NEK11: variants seen among roughly 807,000 people sequenced by gnomAD.
NEK11 encodes the protein NIMA related kinase 11.
NEK11 carries 72 observed loss-of-function variants against 80.7 expected under a neutral mutation model. That is an observed-to-expected ratio of 0.89 (90% CI 0.74 to 1.08). The LOEUF is 1.08. Among genes scored for constraint, NEK11 ranks in the 50% least tolerant of loss-of-function variants. The probability of loss-of-function intolerance (pLI) is 0.00; values close to 1 mark genes in which losing one functional copy is unlikely to be tolerated. For synonymous variants in NEK11, 251 were observed against 260.7 expected, an observed-to-expected ratio of 0.96 and a Z score of 0.36; for missense variants, 764 against 763.6, an observed-to-expected ratio of 1.00 and a Z score of -0.01.
At chr3:131,133,220 G>T (rs2084855432) in intron 6 of NEK11, 1 of 453,576 alleles carries the variant, frequency 2.2e-6, no homozygotes, top group South Asian at 1.6e-5. Context: ...TGAAAATGTT[G>T]ATATAATGGC....
At chr3:131,178,888 T>C (rs995356976) in intron 14 of NEK11, among the ~76,000 whole-genome samples, 2 of 152,168 alleles carry the variant, frequency 1.3e-5, no homozygotes, top group African/African-American at 4.8e-5. Flanking sequence ...CACAACTGTA[T>C]ATGTGGTTCG....
chr3:131,336,946 A>C (rs1189811265), intron 17 of NEK11, among the ~76,000 whole-genome samples: 1 of 152,134 alleles, frequency 6.6e-6, no homozygotes, highest in African/African-American at 2.4e-5. Context: ...AATGGCAATC[A>C]TTAAAAAGTC....
intron 9 of NEK11, 123 bp downstream of exon 9, chr3:131,152,832 C>A: frequency 1.4e-6 from 1 of 722,364 alleles, no homozygotes; most frequent in Non-Finnish European, 2.3e-6. Context: ...GGAAAAAGGC[C>A]AAAAAGAAGC....
intron 4 of NEK11, among the ~76,000 whole-genome samples, chr3:131,085,072 C>A (rs1477115168): frequency 1.3e-5 from 2 of 152,162 alleles, no homozygotes; most frequent in Non-Finnish European, 2.9e-5. Flanking sequence ...TATGATCAAG[C>A]CATTTAGCCT....
chr3:131,147,993 T>C (rs1303352226), intron 7 of NEK11, among the ~76,000 whole-genome samples: 1 of 151,936 alleles, frequency 6.6e-6, no homozygotes, highest in African/African-American at 2.4e-5. Flanking sequence ...GTTTACTATA[T>C]ATTTTTAAGC....
In NEK11 at chr3:131,228,536, G is replaced by A. The variant is rs940797260; in HGVS notation, c.1408G>A (p.Glu470Lys). The A allele has an allele frequency of 1.2e-6, 2 of 1,606,850 alleles. No individual in the cohort carries two copies. Among genetic ancestry groups the A allele is most frequent in the South Asian group, 1.1e-5 (1 of 89,190 alleles). Reference sequence around the variant, plus strand: ...TTTGTTCATTATTTCAGAGATCCCAGAAGACCCACTTGTGGCTGAAGAGTA... The same window carrying A: ...TTTGTTCATTATTTCAGAGATCCCAAAAGACCCACTTGTGGCTGAAGAGTA... Reference protein sequence around the residue: ...TSDLGYHEIPEDPLVAEEYYA... With the variant: ...TSDLGYHEIPKDPLVAEEYYA... The change falls in exon 15 of 18, where the codon GAA becomes AAA. Residue 470 changes from glutamate (E) to lysine (K), a missense_variant. Transcript: ENST00000383366.
intron 4 of NEK11, among the ~76,000 whole-genome samples, chr3:131,098,678 C>T (rs562801363): frequency 4.0e-5 from 6 of 151,320 alleles, no homozygotes; most frequent in East Asian, 1.9e-4. Flanking sequence ...TGGGTTCAAG[C>T]GATTTTCCTG....
At chr3:131,337,621 TAAA>T (rs2097208510) in intron 17 of NEK11, among the ~76,000 whole-genome samples, 1 of 149,300 alleles carries the variant, frequency 6.7e-6, no homozygotes, top group Admixed American at 6.7e-5. Context: ...ATAATAATAA[TAAA>T]ATTTAAAATA....
intron 17 of NEK11, among the ~76,000 whole-genome samples, chr3:131,315,251 G>GACTT (rs1156252717): frequency 6.6e-6 from 1 of 152,054 alleles, no homozygotes; most frequent in Non-Finnish European, 1.5e-5. Flanking sequence ...TGTATGCTTT[G>GACTT]ACTTACATCT....
intron 17 of NEK11, among the ~76,000 whole-genome samples, chr3:131,297,781 GTTT>G (rs2096612733): frequency 6.6e-6 from 1 of 152,126 alleles, no homozygotes; most frequent in Admixed American, 6.5e-5. Flanking sequence ...TTCTTCTAAG[GTTT>G]TTATGGTTTC....
chr3:131,109,369 CAT>C (rs2079700352), intron 4 of NEK11: 1 of 152,586 alleles, frequency 6.6e-6, no homozygotes, highest in Admixed American at 6.6e-5. Context: ...CCTGTAAACT[CAT>C]GTGGGTTTGT....
intron 14 of NEK11, among the ~76,000 whole-genome samples, chr3:131,201,648 T>C (rs2150382201): frequency 6.6e-6 from 1 of 152,226 alleles, no homozygotes; most frequent in East Asian, 1.9e-4. Context: ...TAAATTTAGG[T>C]TGAGAGTTTA....
intron 7 of NEK11, among the ~76,000 whole-genome samples, chr3:131,137,911 T>C (rs1245160477): frequency 6.6e-6 from 1 of 152,294 alleles, no homozygotes; most frequent in East Asian, 1.9e-4. Context: ...ATTTATGGGG[T>C]ACATGAAATA....
Position 131,228,641 on chromosome 3 carries a change from G to C in NEK11, c.1513G>C (p.Glu505Gln), listed in dbSNP as rs758188019. 9 of 1,613,638 alleles carry C rather than the reference G, an allele frequency of 5.6e-6. No homozygotes were observed. Among genetic ancestry groups the C allele is most frequent in the Non-Finnish European group, 7.6e-6 (9 of 1,179,684 alleles). ...AATAGCGTTAGAAAGACCAGAGAAA[G>C]AAATCAGGAATGAGGGATCCCAGCC... ...EEIALERPEK[E>Q]IRNEGSQPAY... The change falls in exon 15 of 18, where the codon GAA (glutamate) becomes CAA (glutamine). Residue 505 changes from glutamate to glutamine, a missense_variant. Glu to Gln is a conservative substitution (Grantham distance 29). Coordinates refer to ENST00000383366, the MANE Select transcript of NEK11 (RefSeq NM_024800.5).
At chr3:131,041,676 T>G (rs553870714) in intron 3 of NEK11, among the ~76,000 whole-genome samples, 1 of 152,300 alleles carries the variant, frequency 6.6e-6, no homozygotes, top group African/African-American at 2.4e-5. Flanking sequence ...CTGGTAATAA[T>G]ATCCCGTTCT....
intron 14 of NEK11, among the ~76,000 whole-genome samples, chr3:131,215,699 C>T (rs1470648724): frequency 6.6e-6 from 1 of 152,216 alleles, no homozygotes; most frequent in African/African-American, 2.4e-5. Context: ...TCCCCTGCTA[C>T]ATCCACAACT....
At chr3:131,116,274 CT>C (rs1375011934) in intron 5 of NEK11, among the ~76,000 whole-genome samples, 2 of 152,024 alleles carry the variant, frequency 1.3e-5, no homozygotes, top group Non-Finnish European at 2.9e-5. Context: ...TGGTTTCCAG[CT>C]TCTTCCATGT....
intron 7 of NEK11, among the ~76,000 whole-genome samples, chr3:131,146,197 T>G (rs2088212333): frequency 6.6e-6 from 1 of 151,916 alleles, no homozygotes; most frequent in East Asian, 1.9e-4. Context: ...CAGAACAGAG[T>G]GTGTAGGTGC....
chr3:131,087,532 G>A (rs1013475884), intron 4 of NEK11, among the ~76,000 whole-genome samples: 7 of 152,124 alleles, frequency 4.6e-5, no homozygotes, highest in South Asian at 4.1e-4. Flanking sequence ...GTGAGCCACC[G>A]TGCCCGGCCG....
Sources: allele counts gnomAD v4.1 joint callset (sites outside exome capture counted in the v4.1 genomes callset), GRCh38; gene constraint gnomAD v4.1.1; transcripts MANE v1.5; gene names NCBI Gene and HGNC (gene_info 2026-07-23, HGNC 2026-07-21).